The following VPS54 variants were observed in gnomAD, a reference collection of about 807,000 sequenced individuals.
VPS54 encodes the protein VPS54 subunit of GARP complex.
A neutral mutation model predicts 121.5 loss-of-function variants in VPS54; 45 were observed. That is an observed-to-expected ratio of 0.37 (90% confidence interval 0.29 to 0.47). The LOEUF (loss-of-function observed/expected upper bound fraction) is 0.47, where lower values mean the gene tolerates loss of function less well. Among genes scored for constraint, VPS54 ranks in the 20% least tolerant of loss-of-function variants. VPS54 has a pLI of 0.99. For missense variants in VPS54, 1,090 were observed against 1,131.4 expected (o/e 0.96, Z 0.52); for synonymous variants, 371 against 385.8 (o/e 0.96, Z 0.45).
chr2:63,932,229 T>A (rs1326936377), intron 12 of VPS54, among the ~76,000 whole-genome samples: 1 of 152,152 alleles, frequency 6.6e-6, no homozygotes, highest in African/African-American at 2.4e-5. Flanking sequence ...TGGGGACTAT[T>A]CACAATAGCA....
rs1672251224 is a variant in VPS54, at chr2:63,892,270, G to A, written c.*1160C>T. 1 of 152,118 alleles carries A rather than the reference G, an allele frequency of 6.6e-6. No individual in the cohort carries two copies. The highest frequency in any genetic ancestry group is 1.5e-5 in the Non-Finnish European group (1 of 68,004). 9.4% of individuals were successfully genotyped at this position (152,118 alleles called of 1,614,324 possible). ...AAACCAAAGAGCACAAAATAAGACT[G>A]TTTCATTATACATAATCACCACAGG... On this transcript the variant is annotated 3_prime_UTR_variant, in exon 23 of 23. Transcript: ENST00000272322.
chr2:63,945,576 A>G (rs867321493), intron 9 of VPS54, among the ~76,000 whole-genome samples: 4 of 152,328 alleles, frequency 2.6e-5, no homozygotes, highest in South Asian at 4.1e-4. Context: ...ACTGGCTACA[A>G]TAATTATTTT....
intron 7 of VPS54, among the ~76,000 whole-genome samples, chr2:63,960,493 G>A (rs924451952): frequency 6.6e-6 from 1 of 152,122 alleles, no homozygotes; most frequent in Non-Finnish European, 1.5e-5. Context: ...GTCAAGGAAA[G>A]TAAAAGTAAA....
chr2:63,914,292 A>G lies in VPS54; in HGVS notation c.2229-5T>C, dbSNP rs113782569. 39 of 1,587,374 alleles carry G rather than the reference A, an allele frequency of 2.5e-5. No homozygotes were observed. In the African/African-American group the frequency reaches 4.3e-4, roughly 18 times the overall value. On this transcript the variant is annotated splice_region_variant and splice_polypyrimidine_tract_variant and intron_variant, in intron 16 of 22. Coordinates refer to ENST00000272322, the MANE Select transcript of VPS54 (RefSeq NM_016516.3). ...CTTATTAACAGCAATACGGTTCTACAAGAAAAGAAAAATGGCCCAATAGGA... is the reference window on the plus strand; with the variant it reads ...CTTATTAACAGCAATACGGTTCTACGAGAAAAGAAAAATGGCCCAATAGGA...
intron 12 of VPS54, among the ~76,000 whole-genome samples, chr2:63,932,096 G>A (rs1004998486): frequency 2.6e-5 from 4 of 152,182 alleles, no homozygotes; most frequent in Admixed American, 2.0e-4. Context: ...AAGACAGTGT[G>A]GCGATTCTTC....
At position 64,013,989 on chromosome 2, in the gene VPS54, G is replaced by C. The variant is rs537565524; in HGVS notation, c.-21+4949C>G. Among the ~76,000 whole-genome samples, 19 of 148,752 alleles carry C rather than the reference G, an allele frequency of 1.3e-4. No individual in the cohort carries two copies. The South Asian group carries it at 2.3e-3, about 18-fold the overall frequency. ...AGGTAGATCACAAGGTCAGGAGTTC[G>C]AGACCAGTCTGACCAACATGGCGAA... On this transcript the variant is annotated intron_variant, in intron 1 of 22. Transcript: ENST00000272322.
Position 63,920,546 on chromosome 2 carries a change from G to A in VPS54, c.1951C>T (p.Gln651Ter). 1 of 1,580,876 alleles carries A rather than the reference G, an allele frequency of 6.3e-7. No individual in the cohort carries two copies. Among genetic ancestry groups the A allele is most frequent in the Non-Finnish European group, 8.6e-7 (1 of 1,163,948 alleles). Reference protein sequence around the residue: ...LMETFILDTEQICGRKSTSLL... With the variant: ...LMETFILDTE ...GACGTGCTTTTTCTTCCACAGATCT[G>A]TTCGGTGTCTAAAATGAATGTTTCC... Residue 651 changes from glutamine to a stop codon, truncating the protein, a stop_gained, in exon 14 of 23, where the codon CAG (glutamine) becomes TAG (stop). Coordinates refer to ENST00000272322, the MANE Select transcript of VPS54 (RefSeq NM_016516.3). LOFTEE classifies it high-confidence loss of function.
At chr2:64,016,661 T>G (rs1201088951) in intron 1 of VPS54, among the ~76,000 whole-genome samples, 1 of 151,440 alleles carries the variant, frequency 6.6e-6, no homozygotes, top group Non-Finnish European at 1.5e-5. Flanking sequence ...CAGCCTGTAG[T>G]GCAGTGGTGC....
At chr2:64,009,749 G>C (rs949549546) in intron 1 of VPS54, among the ~76,000 whole-genome samples, 2 of 152,132 alleles carry the variant, frequency 1.3e-5, no homozygotes, top group South Asian at 2.1e-4. Flanking sequence ...AAGAAGTTGA[G>C]GCTGCAGTGA....
At chr2:63,999,419 C>G (rs1049955467) in intron 1 of VPS54, among the ~76,000 whole-genome samples, 1 of 152,328 alleles carries the variant, frequency 6.6e-6, no homozygotes, top group East Asian at 1.9e-4. Context: ...TGTCATGCCA[C>G]TCTCTTGGCC....
chr2:63,976,823 C>CTTTTTTT (rs1481086180), intron 3 of VPS54, among the ~76,000 whole-genome samples: 4 of 68,040 alleles, frequency 5.9e-5, no homozygotes, highest in African/African-American at 1.8e-4. Flanking sequence ...CTTATATCTT[C>CTTTTTTT]TCTTTTTTTT....
chr2:64,010,004 C>A (rs778538667), intron 1 of VPS54, among the ~76,000 whole-genome samples: 1 of 151,864 alleles, frequency 6.6e-6, no homozygotes, highest in Non-Finnish European at 1.5e-5. Flanking sequence ...ACCTTGCCTG[C>A]CTAATTTTCG....
At chr2:63,997,568 T>C (rs1199013812) in intron 1 of VPS54, among the ~76,000 whole-genome samples, 3 of 152,112 alleles carry the variant, frequency 2.0e-5, no homozygotes, top group African/African-American at 7.2e-5. Flanking sequence ...TCTCTGATCT[T>C]TTGGGGTCTT....
intron 6 of VPS54, among the ~76,000 whole-genome samples, chr2:63,964,851 C>A (rs891195916): frequency 6.6e-6 from 1 of 152,152 alleles, no homozygotes; most frequent in African/African-American, 2.4e-5. Context: ...ATTTTAAGAA[C>A]TACCTTCAGT....
chr2:63,918,849 C>G (rs991155152), intron 15 of VPS54, among the ~76,000 whole-genome samples: 1 of 151,948 alleles, frequency 6.6e-6, no homozygotes, highest in African/African-American at 2.4e-5. Flanking sequence ...CTTGTCTACC[C>G]TTCCTCACTT....
chr2:63,976,337 C>T lies in VPS54; in HGVS notation c.379-4093G>A, dbSNP rs1002024091. Among the ~76,000 whole-genome samples the T allele has an allele frequency of 4.9e-5, 7 of 142,680 alleles. No homozygotes were observed. In the South Asian group the frequency reaches 6.6e-4, roughly 13 times the overall value. The allele number at this position is 142,680 out of a possible 152,430, so 93.6% of individuals were successfully genotyped here. A position where few individuals can be genotyped will look rare whatever the true frequency, so the allele number is the denominator to read the frequency against. ...CCGCACTCCAGCCTGGGCAACAGAGCGTGACCTTGTCTCAAAAAAAAAAAA... is the reference window on the plus strand; with the variant it reads ...CCGCACTCCAGCCTGGGCAACAGAGTGTGACCTTGTCTCAAAAAAAAAAAA... On this transcript the variant is annotated intron_variant, in intron 3 of 22. Transcript: ENST00000272322.
chr2:63,965,825 A>T lies in VPS54; in HGVS notation c.624+10T>A. 1.9e-6 allele frequency: 3 copies of T among 1,609,750 alleles called. No homozygotes were observed. The highest frequency in any genetic ancestry group is 1.7e-6 in the Non-Finnish European group (2 of 1,179,048). On this transcript the variant is annotated intron_variant, in intron 6 of 22. Coordinates refer to ENST00000272322, the MANE Select transcript of VPS54 (RefSeq NM_016516.3). ...AGTTTCCTACATGGAAAAAGTCAAA[A>T]AGAAATTACCTTTTCTTGAAGCAAC...
At chr2:63,957,931 T>G (rs1353516285) in intron 7 of VPS54, among the ~76,000 whole-genome samples, 1 of 152,170 alleles carries the variant, frequency 6.6e-6, no homozygotes, top group Non-Finnish European at 1.5e-5. Context: ...TGTGGCACAC[T>G]TTTTTAAAAG....
At chr2:63,952,727 A>G (rs1470829411) in intron 7 of VPS54, among the ~76,000 whole-genome samples, 1 of 152,236 alleles carries the variant, frequency 6.6e-6, no homozygotes, top group Non-Finnish European at 1.5e-5. Context: ...AAATGGCATC[A>G]ATATCTTACA....
Sources: gnomAD v4.1 joint callset for allele counts (sites outside exome capture counted in the v4.1 genomes callset) on GRCh38, gnomAD v4.1.1 for gene constraint, MANE v1.5 for transcripts, NCBI Gene and HGNC (gene_info 2026-07-23, HGNC 2026-07-21) for gene names.